Variants in CIAO3 observed in about 807,000 individuals in gnomAD.
The protein encoded by CIAO3 is LET1 like/JFP15.
In CIAO3, 45 loss-of-function variants were observed where a neutral mutation model predicts 51.5. That is an observed-to-expected ratio of 0.87 (90% confidence interval 0.69 to 1.12). The LOEUF is 1.12. Ranked by LOEUF, CIAO3 falls within the 50% of genes most tolerant of loss-of-function variation. CIAO3 has a pLI of 0.00. For synonymous variants in CIAO3, 314 were observed against 269.3 expected, an observed-to-expected ratio of 1.17 and a Z score of -1.63; for missense variants, 668 against 632.5, an observed-to-expected ratio of 1.06 and a Z score of -0.60.
In CIAO3 at chr16:730,094, G is replaced by A. The variant is rs571677120; in HGVS notation, c.*323C>T. ...CCCGGGACAGGCTGAAGCCCCTCAC[G>A]CACTTGGGTGCCCGACCAGCAGCAG... On this transcript the variant is annotated 3_prime_UTR_variant, in exon 11 of 11. Coordinates refer to ENST00000251588, the MANE Select transcript of CIAO3 (RefSeq NM_022493.3). The A allele has an allele frequency of 1.1e-3, 502 of 469,050 alleles. 2 individuals carry two copies. Among genetic ancestry groups the A allele is most frequent in the South Asian group, 4.0e-3 (164 of 41,504 alleles). 29.1% of individuals were successfully genotyped at this position (469,050 alleles called of 1,614,324 possible).
intron 2 of CIAO3, among the ~76,000 whole-genome samples, chr16:739,161 T>A (rs1274902060): frequency 6.6e-6 from 1 of 151,246 alleles, no homozygotes; most frequent in Non-Finnish European, 1.5e-5. Flanking sequence ...TAGCTGGGCG[T>A]GGTGGTGGCC....
intron 3 of CIAO3, chr16:736,977 G>A (rs1317175224): frequency 6.4e-6 from 4 of 625,970 alleles, no homozygotes; most frequent in Non-Finnish European, 1.1e-5. Context: ...GTGTCATTTT[G>A]ATGTATATTT....
At chr16:733,606 G>A in intron 6 of CIAO3, 179 bp from the exon 7 acceptor site, 1 of 881,780 alleles carries the variant, frequency 1.1e-6, no homozygotes. Flanking sequence ...ACGGGCCCTG[G>A]CTGTGACAGA....
intron 9 of CIAO3, 151 bp from the exon 10 acceptor site, chr16:731,151 G>A: frequency 2.0e-6 from 2 of 1,023,840 alleles, no homozygotes; most frequent in Non-Finnish European, 2.8e-6. Flanking sequence ...CAAGAACGGA[G>A]AGAGAGGGTG....
chr16:737,740 C>CG lies in CIAO3; in HGVS notation c.163-412dup, dbSNP rs1245163154. On this transcript the variant is annotated intron_variant, in intron 2 of 10. Coordinates refer to ENST00000251588, the MANE Select transcript of CIAO3 (RefSeq NM_022493.3). The surrounding 1 kb of genome is among the most constrained non-coding windows in gnomAD (Gnocchi z 5.3). ...AAGCTGAGGACAAAGGAGGAAAGGA[C>CG]GAAGGCACAGGAAGAGGAGAGCAGA... is the stretch of plus-strand genomic sequence containing the variant. 2.3e-6 allele frequency: 3 copies of CG among 1,277,238 alleles called. No individual in the cohort carries two copies. The African/African-American group carries it at 4.6e-5, about 19-fold the overall frequency. 79.1% of individuals were successfully genotyped at this position (1,277,238 alleles called of 1,614,324 possible). A position where few individuals can be genotyped will look rare whatever the true frequency, so the allele number is the denominator to read the frequency against.
At chr16:734,552 G>A (rs1489211645) in intron 5 of CIAO3, 185 bp downstream of exon 5, 14 of 1,125,630 alleles carry the variant, frequency 1.2e-5, no homozygotes, top group Non-Finnish European at 1.9e-5. Flanking sequence ...GACTGCGCGT[G>A]GCTCCCACGG....
chr16:730,983 T>A lies in CIAO3; in HGVS notation c.1052A>T (p.Glu351Val). ...CTGGCCCTCCTTCTCCAGTGTCACC[T>A]CCTGGAAGTCTTTGTTCCTGGGGGG... is the stretch of plus-strand genomic sequence containing the variant. ...YKPLRNKDFQEVTLEKEGQVL... is the reference protein window; with the variant it reads ...YKPLRNKDFQVVTLEKEGQVL... The change falls in exon 10 of 11, where the codon GAG (glutamate) becomes GTG (valine). Residue 351 changes from glutamate to valine, a missense_variant. Physicochemically the swap from Glu to Val is moderately radical, Grantham distance 121 (BLOSUM62 -2). Coordinates refer to ENST00000251588, the MANE Select transcript of CIAO3 (RefSeq NM_022493.3). 6.2e-7 allele frequency: 1 copy of A among 1,612,744 alleles called. No individual in the cohort carries two copies. The highest frequency in any genetic ancestry group is 8.5e-7 in the Non-Finnish European group (1 of 1,179,906).
intron 1 of CIAO3, 25 bp from the exon 2 acceptor site, chr16:739,763 C>T (rs1289589558): frequency 1.2e-6 from 2 of 1,609,114 alleles, no homozygotes; most frequent in Non-Finnish European, 1.7e-6. Context: ...GACCCCAAAT[C>T]AGCCCCTGTG....
At chr16:734,641 C>A in intron 5 of CIAO3, 96 bp downstream of exon 5, 1 of 1,596,026 alleles carries the variant, frequency 6.3e-7, no homozygotes, top group Non-Finnish European at 8.6e-7. Context: ...TGCGTCTCCA[C>A]CCCCCATGCC....
chr16:740,197 C>A, intron 1 of CIAO3: 1 of 990,344 alleles, frequency 1.0e-6, no homozygotes, highest in East Asian at 6.0e-5. Flanking sequence ...AAGCCGCCTC[C>A]CAGCTCATCC....
In CIAO3 at chr16:734,786, T is replaced by C. The variant is rs1304619880; in HGVS notation, c.525A>G (p.Gly175=). 7.5e-6 allele frequency: 12 copies of C among 1,609,218 alleles called. 1 individual carries two copies. The South Asian group carries it at 1.2e-4, about 16-fold the overall frequency. The part of the protein sequence containing the change: ...SQREFVRRFR[G]QADCRQALPL... ...GCAGCGCCTGTCTGCAGTCGGCCTG[T>C]CCTCGGAATCGCCGCACAAACTCTC... The change falls in exon 5 of 11, where the codon GGA becomes GGG. Residue 175 remains glycine (G), a synonymous_variant. Coordinates refer to ENST00000251588, the MANE Select transcript of CIAO3 (RefSeq NM_022493.3).
At chr16:738,740 C>G (rs1314048095) in intron 2 of CIAO3, among the ~76,000 whole-genome samples, 1 of 151,506 alleles carries the variant, frequency 6.6e-6, no homozygotes, top group Non-Finnish European at 1.5e-5. Context: ...CCCTATCTCC[C>G]AGGTTCAAGT....
intron 10 of CIAO3, 29 bp from the exon 11 acceptor site, chr16:730,684 A>G: frequency 6.3e-7 from 1 of 1,597,814 alleles, no homozygotes; most frequent in Admixed American, 1.7e-5. Flanking sequence ...GACAGGGGTC[A>G]CAGCCTGCGC....
At chr16:731,955 G>A (rs1222191492) in intron 8 of CIAO3, 18 of 538,982 alleles carry the variant, frequency 3.3e-5, no homozygotes, top group East Asian at 6.5e-5. Flanking sequence ...TGCAAGCTCC[G>A]CCTCCTGGGT....
intron 9 of CIAO3, 94 bp from the exon 10 acceptor site, chr16:731,094 G>T: frequency 6.6e-7 from 1 of 1,504,576 alleles, no homozygotes; most frequent in Non-Finnish European, 9.0e-7. Flanking sequence ...GGGGATGACC[G>T]GGTACCTCCC....
chr16:731,316 C>T (rs914888361), intron 9 of CIAO3: 6 of 619,452 alleles, frequency 9.7e-6, no homozygotes, highest in South Asian at 9.1e-5. Context: ...CACCTTTGCC[C>T]ATGCTGGCCT....
rs1596674601 is a variant in CIAO3, at chr16:737,097, C to T, written c.306+89G>A. The stretch of plus-strand genomic sequence containing the variant: ...GCCACCCGCACGACGGACGTCGGCA[C>T]CACACGAGCTGCCCTTGGCAAAACG... On this transcript the variant is annotated intron_variant, in intron 3 of 10. Coordinates refer to ENST00000251588, the MANE Select transcript of CIAO3 (RefSeq NM_022493.3). The surrounding 1 kb of genome is among the most constrained non-coding windows in gnomAD (Gnocchi z 5.3). The T allele has an allele frequency of 3.4e-5, 53 of 1,568,136 alleles. No individual in the cohort carries two copies. The East Asian group carries it at 1.2e-3, about 35-fold the overall frequency.
At position 734,704 on chromosome 16, in the gene CIAO3, T is replaced by C. The variant is rs1399932910; in HGVS notation, c.574+33A>G. On this transcript the variant is annotated intron_variant, in intron 5 of 10. Coordinates refer to ENST00000251588, the MANE Select transcript of CIAO3 (RefSeq NM_022493.3). ...CCTCACGTTTCAACTGCACTTGAAC[T>C]TGACTCTCCCACCACCCGCACCATG... 6.2e-6 allele frequency: 10 copies of C among 1,612,696 alleles called. No individual in the cohort carries two copies. In the African/African-American group the frequency reaches 1.2e-4, roughly 19 times the overall value.
intron 2 of CIAO3, chr16:738,418 G>C (rs1178432891): frequency 1.8e-5 from 14 of 758,536 alleles, no homozygotes; most frequent in East Asian, 1.3e-4. Flanking sequence ...GTGCGATCTC[G>C]GCTCACTGCA....
Sources: allele counts gnomAD v4.1 joint callset (sites outside exome capture counted in the v4.1 genomes callset), GRCh38; gene constraint gnomAD v4.1.1; non-coding constraint Gnocchi (gnomAD v3.1); transcripts MANE v1.5; gene names NCBI Gene and HGNC (gene_info 2026-07-23, HGNC 2026-07-21).